The following TTC27 variants were observed in gnomAD, a reference collection of about 807,000 sequenced individuals.
TTC27 encodes the protein tetratricopeptide repeat protein 27.
TTC27 carries 79 observed loss-of-function variants against 115.9 expected under a neutral mutation model. That is an observed-to-expected ratio of 0.68 (90% CI 0.57 to 0.82). TTC27 has a LOEUF of 0.82. Among genes scored for constraint, TTC27 ranks in the 40% least tolerant of loss-of-function variants. The probability of loss-of-function intolerance (pLI) is 0.00; values close to 1 mark genes in which losing one functional copy is unlikely to be tolerated. For missense variants in TTC27, 1,054 were observed against 993.1 expected (o/e 1.06, Z -0.82); for synonymous variants, 401 against 356.0 (o/e 1.13, Z -1.42).
intron 9 of TTC27, among the ~76,000 whole-genome samples, chr2:32,689,402 A>G (rs1666740713): frequency 6.6e-6 from 1 of 151,310 alleles, no homozygotes. Context: ...TTGGGTTTCA[A>G]TATTGATTAT....
chr2:32,798,718 ATAAT>A (rs746771748), intron 16 of TTC27, among the ~76,000 whole-genome samples: 34 of 140,092 alleles, frequency 2.4e-4, no homozygotes, highest in African/African-American at 6.5e-4. Flanking sequence ...AAAAAAAATA[ATAAT>A]AATAATAATA....
chr2:32,705,116 A>G (rs187542721), intron 10 of TTC27: 31 of 309,566 alleles, frequency 1.0e-4, no homozygotes, highest in African/African-American at 6.3e-4. Flanking sequence ...CCTCATGAAT[A>G]TCCTAGTGCC....
At chr2:32,668,827 C>T (rs1384100174) in intron 7 of TTC27, among the ~76,000 whole-genome samples, 1 of 147,816 alleles carries the variant, frequency 6.8e-6, no homozygotes, top group Non-Finnish European at 1.5e-5. Context: ...CGCCTGTAAT[C>T]CCAGCACTTT....
chr2:32,678,907 T>A lies in TTC27; in HGVS notation c.1104T>A (p.Leu368=). 6.2e-7 allele frequency: 1 copy of A among 1,613,432 alleles called. No individual in the cohort carries two copies. Among genetic ancestry groups the A allele is most frequent in the Non-Finnish European group, 8.5e-7 (1 of 1,179,584 alleles). The change falls in exon 9 of 20, where the codon CTT becomes CTA. Residue 368 remains leucine (L), a synonymous_variant. Transcript: ENST00000317907. ...NPVHTLTEVE[L]LAFTSCLLSQ... ...TGCACACATTAACTGAAGTGGAGCT[T>A]CTGGCATTTACATCAGTGAGTAATG...
intron 11 of TTC27, among the ~76,000 whole-genome samples, chr2:32,734,710 A>G (rs997249788): frequency 2.0e-5 from 3 of 152,072 alleles, no homozygotes; most frequent in African/African-American, 7.2e-5. Flanking sequence ...GGCTCGGTGC[A>G]ATTAGTTTTC....
intron 5 of TTC27, among the ~76,000 whole-genome samples, chr2:32,654,503 A>C (rs1665244305): frequency 6.6e-6 from 1 of 152,144 alleles, no homozygotes; most frequent in Non-Finnish European, 1.5e-5. Context: ...CATCACAATT[A>C]AGATGATTAA....
chr2:32,812,362 G>C, intron 17 of TTC27, 142 bp from the exon 18 acceptor site: 1 of 550,736 alleles, frequency 1.8e-6, no homozygotes, highest in South Asian at 2.7e-5. Flanking sequence ...CCCCTTCTTT[G>C]GTGAGAGTAA....
At chr2:32,650,320 C>A in intron 5 of TTC27, 87 bp downstream of exon 5, 1 of 838,108 alleles carries the variant, frequency 1.2e-6, no homozygotes, top group Non-Finnish European at 1.8e-6. Flanking sequence ...TATTTTTTGT[C>A]CGGTAGTAGT....
At chr2:32,656,548 G>C (rs76546593) in intron 5 of TTC27, among the ~76,000 whole-genome samples, 3,388 of 152,270 alleles carry the variant, frequency 0.022, 120 homozygotes, top group African/African-American at 0.078. Context: ...GTTTACAGGT[G>C]GGAAGGAGCT....
intron 10 of TTC27, among the ~76,000 whole-genome samples, chr2:32,717,144 G>T (rs1667780419): frequency 6.6e-6 from 1 of 151,274 alleles, no homozygotes; most frequent in African/African-American, 2.4e-5. Flanking sequence ...CAACTAATTT[G>T]TAATATTTTT....
At chr2:32,754,178 G>T (rs1486148420) in intron 12 of TTC27, among the ~76,000 whole-genome samples, 2 of 150,090 alleles carry the variant, frequency 1.3e-5, no homozygotes, top group East Asian at 1.9e-4. Context: ...ATCATTCTTG[G>T]GTGTTTCTCG....
intron 10 of TTC27, among the ~76,000 whole-genome samples, chr2:32,731,593 G>A (rs761885078): frequency 1.3e-5 from 2 of 152,102 alleles, no homozygotes; most frequent in East Asian, 1.9e-4. Context: ...TGCCCAGGCT[G>A]GTCTTGAACT....
At chr2:32,789,776 T>A (rs947304810) in intron 16 of TTC27, among the ~76,000 whole-genome samples, 35 of 151,298 alleles carry the variant, frequency 2.3e-4, no homozygotes, top group Non-Finnish European at 4.3e-4. Flanking sequence ...ACAAAAAAAA[T>A]TCAGCTGGGC....
At chr2:32,756,653 A>C (rs1040761878) in intron 12 of TTC27, among the ~76,000 whole-genome samples, 2 of 152,238 alleles carry the variant, frequency 1.3e-5, no homozygotes, top group Non-Finnish European at 2.9e-5. Flanking sequence ...CAACCTAAAG[A>C]AAATCAAATA....
intron 9 of TTC27, among the ~76,000 whole-genome samples, chr2:32,701,765 C>A (rs34666266): frequency 6.6e-6 from 1 of 151,920 alleles, no homozygotes; most frequent in Admixed American, 6.6e-5. Context: ...AAGTTGGCTA[C>A]GCTTGAGAAT....
At chr2:32,659,742 A>G (rs531529536) in intron 5 of TTC27, among the ~76,000 whole-genome samples, 2 of 152,118 alleles carry the variant, frequency 1.3e-5, no homozygotes, top group South Asian at 4.2e-4. Context: ...TTCAGCTCCT[A>G]CTTATGAGTG....
chr2:32,672,459 A>C, intron 8 of TTC27, 75 bp downstream of exon 8: 1 of 1,180,680 alleles, frequency 8.5e-7, no homozygotes, highest in Non-Finnish European at 1.3e-6. Flanking sequence ...ATCTTTATTC[A>C]AGGAGGTTCC....
intron 4 of TTC27, among the ~76,000 whole-genome samples, chr2:32,643,815 A>T (rs1188469548): frequency 1.3e-5 from 2 of 151,942 alleles, no homozygotes; most frequent in East Asian, 3.9e-4. Context: ...CTGGCGGATC[A>T]CCTGAGGTCA....
chr2:32,750,449 CT>C (rs1163033281), intron 12 of TTC27, among the ~76,000 whole-genome samples: 1 of 152,162 alleles, frequency 6.6e-6, no homozygotes, highest in Admixed American at 6.5e-5. Flanking sequence ...ATAGGTTCTC[CT>C]ATGATGAACT....
Sources: allele counts gnomAD v4.1 joint callset (sites outside exome capture counted in the v4.1 genomes callset), GRCh38; gene constraint gnomAD v4.1.1; transcripts MANE v1.5; gene names NCBI Gene and HGNC (gene_info 2026-07-23, HGNC 2026-07-21).